Variants in MLLT10 observed in about 807,000 individuals in gnomAD.
MLLT10 encodes MLLT10 histone lysine methyltransferase DOT1L cofactor.
Under a neutral mutation model 129.1 loss-of-function variants are expected in MLLT10, and 30 were observed. The ratio of observed to expected loss-of-function variants is 0.23; its 90% CI spans 0.17 to 0.32. The LOEUF (loss-of-function observed/expected upper bound fraction) is 0.32, where lower values mean the gene tolerates loss of function less well. MLLT10 is among the 10% of genes least tolerant of loss of function. The pLI, the probability that MLLT10 is intolerant of heterozygous loss-of-function variation, is 1.00. For synonymous variants in MLLT10, 490 were observed against 446.4 expected (o/e 1.10, Z -1.23); for missense variants, 1,119 against 1,268.3 (o/e 0.88, Z 1.79).
chr10:21,567,724 G>A (rs2039746359), intron 3 of MLLT10, among the ~76,000 whole-genome samples: 1 of 152,080 alleles, frequency 6.6e-6, no homozygotes, highest in Admixed American at 6.6e-5. Context: ...GTGTTATGCT[G>A]GATTATAGCA....
chr10:21,664,487 G>A lies in MLLT10; in HGVS notation c.796-5962G>A, dbSNP rs373230166. Among the ~76,000 whole-genome samples the A allele has an allele frequency of 2.6e-5, 4 of 151,996 alleles. No individual in the cohort carries two copies. The East Asian group carries it at 7.7e-4, about 29-fold the overall frequency. ...AATTTTTGTATTTTTAGTAGGGACA[G>A]GGTTTCACCATGTTGGTCAGGATGG... On this transcript the variant is annotated intron_variant, in intron 9 of 22. Transcript: ENST00000307729.
At chr10:21,660,920 T>TA (rs1283891406) in intron 9 of MLLT10, among the ~76,000 whole-genome samples, 1 of 151,864 alleles carries the variant, frequency 6.6e-6, no homozygotes, top group Non-Finnish European at 1.5e-5. Flanking sequence ...TCTTCTTTTC[T>TA]AATATATTCA....
intron 11 of MLLT10, among the ~76,000 whole-genome samples, chr10:21,679,629 G>C (rs879909369): frequency 1.3e-5 from 2 of 152,122 alleles, no homozygotes; most frequent in Admixed American, 6.5e-5. Context: ...AATTGCAAGG[G>C]GTTGATGGTT....
intron 21 of MLLT10, chr10:21,738,371 C>A (rs1372577788): frequency 7.8e-7 from 1 of 1,278,410 alleles, no homozygotes; most frequent in Non-Finnish European, 1.0e-6. Context: ...ATTTGGGTGT[C>A]TTCCTATTAA....
chr10:21,670,744 T>C lies in MLLT10; in HGVS notation c.1051+40T>C, dbSNP rs1298106698. On this transcript the variant is annotated intron_variant, in intron 10 of 22. Coordinates refer to ENST00000307729, the MANE Select transcript of MLLT10 (RefSeq NM_001195626.3). ...TTAGTTAAAATACTTGTGTTTAAGA[T>C]GGTTAATAATAGTTATGCTTTGTAA... 9 of 1,570,338 alleles carry C rather than the reference T, an allele frequency of 5.7e-6. 1 individual carries two copies. The South Asian group carries it at 6.0e-5, about 10-fold the overall frequency.
At chr10:21,547,874 AAT>A (rs1180291515) in intron 3 of MLLT10, among the ~76,000 whole-genome samples, 1 of 152,260 alleles carries the variant, frequency 6.6e-6, no homozygotes, top group South Asian at 2.1e-4. Context: ...GTTTTAAAAA[AAT>A]AGTTATTTAT....
intron 5 of MLLT10, among the ~76,000 whole-genome samples, chr10:21,606,593 T>G (rs1181440065): frequency 6.6e-6 from 1 of 152,104 alleles, no homozygotes; most frequent in African/African-American, 2.4e-5. Flanking sequence ...ACTGAGAGAT[T>G]CAAGACTTTG....
intron 5 of MLLT10, among the ~76,000 whole-genome samples, chr10:21,602,925 G>A (rs539492293): frequency 6.6e-6 from 1 of 151,694 alleles, no homozygotes; most frequent in Non-Finnish European, 1.5e-5. Flanking sequence ...GTAGAGACGG[G>A]GTTTCACCAT....
At chr10:21,568,123 G>C (rs182033654) in intron 3 of MLLT10, among the ~76,000 whole-genome samples, 1 of 152,108 alleles carries the variant, frequency 6.6e-6, no homozygotes, top group Non-Finnish European at 1.5e-5. Flanking sequence ...CGGCCTTGTT[G>C]GGGGTTCTTT....
chr10:21,717,470 T>C (rs1481266430), intron 14 of MLLT10, among the ~76,000 whole-genome samples: 4 of 146,990 alleles, frequency 2.7e-5, no homozygotes, highest in Non-Finnish European at 6.0e-5. Flanking sequence ...TGTTTGATTT[T>C]ATATTCTTAT....
intron 4 of MLLT10, among the ~76,000 whole-genome samples, chr10:21,590,183 C>T (rs1187411690): frequency 6.6e-6 from 1 of 152,144 alleles, no homozygotes; most frequent in African/African-American, 2.4e-5. Context: ...TCAAGCTATC[C>T]TCCTGCCTCA....
chr10:21,728,001 C>T, intron 16 of MLLT10, 73 bp downstream of exon 16: 1 of 1,224,386 alleles, frequency 8.2e-7, no homozygotes, highest in South Asian at 1.3e-5. Flanking sequence ...TATCTCATAT[C>T]AGTAGAGTGT....
chr10:21,733,563 C>A lies in MLLT10; in HGVS notation c.2467C>A (p.Pro823Thr), dbSNP rs748577714. The A allele has an allele frequency of 1.3e-6, 2 of 1,574,900 alleles. No individual in the cohort carries two copies. Among genetic ancestry groups the A allele is most frequent in the African/African-American group, 2.7e-5 (2 of 73,120 alleles). The change falls in exon 19 of 23, where the codon CCT becomes ACT. Residue 823 changes from proline to threonine, a missense_variant. Pro to Thr is a conservative substitution (Grantham distance 38). Coordinates refer to ENST00000307729, the MANE Select transcript of MLLT10 (RefSeq NM_001195626.3). ...CCCTCATATAGGAAACAGCTTTTTACCTGATAATTCTCTTCCTGTATTAAA... is the reference window on the plus strand; with the variant it reads ...CCCTCATATAGGAAACAGCTTTTTAACTGATAATTCTCTTCCTGTATTAAA... ...KSPHIGNSFLPDNSLPVLNQD... is the reference protein window; with the variant it reads ...KSPHIGNSFLTDNSLPVLNQD...
intron 5 of MLLT10, 90 bp from the exon 6 acceptor site, chr10:21,612,258 A>C: frequency 1.4e-6 from 1 of 714,212 alleles, no homozygotes; most frequent in South Asian, 2.0e-5. Context: ...TACTTAGTAT[A>C]CCTGATCTTC....
At chr10:21,717,539 CTCCCTTCTTCTTT>C (rs1455983402) in intron 14 of MLLT10, among the ~76,000 whole-genome samples, 3 of 118,766 alleles carry the variant, frequency 2.5e-5, no homozygotes, top group African/African-American at 1.0e-4. Flanking sequence ...CCTCCTCCTC[CTCCCTTCTTCTTT>C]CTTCTTCTTT....
intron 22 of MLLT10, 79 bp from the exon 23 acceptor site, chr10:21,741,860 C>A: frequency 6.8e-7 from 1 of 1,462,498 alleles, no homozygotes; most frequent in Non-Finnish European, 9.4e-7. Context: ...CACATTTTAT[C>A]TCAGTCACAG....
At chr10:21,572,832 A>G (rs958697963) in intron 3 of MLLT10, among the ~76,000 whole-genome samples, 4 of 151,998 alleles carry the variant, frequency 2.6e-5, no homozygotes, top group African/African-American at 9.7e-5. Context: ...CAGGCTGGTC[A>G]ACTCCTGACC....
intron 13 of MLLT10, among the ~76,000 whole-genome samples, chr10:21,706,393 TG>T (rs2055501418): frequency 6.6e-6 from 1 of 152,220 alleles, no homozygotes; most frequent in Non-Finnish European, 1.5e-5. Context: ...GTGAAATTGT[TG>T]GTACCACCCT....
intron 13 of MLLT10, among the ~76,000 whole-genome samples, chr10:21,703,317 A>G (rs1350215294): frequency 2.0e-5 from 3 of 151,676 alleles, no homozygotes; most frequent in Non-Finnish European, 4.4e-5. Flanking sequence ...GCACTTTTGA[A>G]TATATCATCC....
Sources: allele counts gnomAD v4.1 joint callset (sites outside exome capture counted in the v4.1 genomes callset), GRCh38; gene constraint gnomAD v4.1.1; transcripts MANE v1.5; gene names NCBI Gene and HGNC (gene_info 2026-07-23, HGNC 2026-07-21).